PHF24: variants seen among roughly 807,000 people sequenced by gnomAD.
PHF24 encodes the protein Galpha inhibitory interacting protein.
A neutral mutation model predicts 42.6 loss-of-function variants in PHF24; 25 were observed. The ratio of observed to expected loss-of-function variants is 0.59; its 90% CI spans 0.43 to 0.82. The LOEUF is 0.82. Ranked by LOEUF, PHF24 falls within the 40% of genes least tolerant of loss-of-function variation. The pLI, the probability that PHF24 is intolerant of heterozygous loss-of-function variation, is 0.00. For missense variants in PHF24, 470 were observed against 538.1 expected, an observed-to-expected ratio of 0.87 and a Z score of 1.25; for synonymous variants, 185 against 204.8, an observed-to-expected ratio of 0.90 and a Z score of 0.83.
At chr9:34,737,483 A>G in the PHF24 span, among the ~76,000 whole-genome samples, 2 of 152,210 alleles carry the variant, frequency 1.3e-5, no homozygotes, top group South Asian at 2.1e-4. Context: ...TTTGGCTACC[A>G]TGAATAATGC....
the PHF24 span, among the ~76,000 whole-genome samples, chr9:34,910,366 G>GAGTAT: frequency 1.3e-5 from 2 of 151,902 alleles, no homozygotes; most frequent in South Asian, 4.2e-4. Context: ...CTGTTATTAC[G>GAGTAT]TGCATACTCT....
the PHF24 span, among the ~76,000 whole-genome samples, chr9:34,904,435 GGA>G: frequency 6.6e-6 from 1 of 152,068 alleles, no homozygotes; most frequent in Non-Finnish European, 1.5e-5. Flanking sequence ...AATCATAAAG[GGA>G]TGCTGGATTT....
the PHF24 span, among the ~76,000 whole-genome samples, chr9:34,720,338 G>A: frequency 5.3e-5 from 8 of 151,950 alleles, no homozygotes; most frequent in African/African-American, 9.7e-5. Flanking sequence ...CCAGCTACTC[G>A]GGAGGCTGAG....
the PHF24 span, among the ~76,000 whole-genome samples, chr9:34,778,826 TG>T: frequency 6.6e-6 from 1 of 152,118 alleles, no homozygotes; most frequent in African/African-American, 2.4e-5. Context: ...TCTTTCCCAG[TG>T]CACCTGGAAC....
the PHF24 span, among the ~76,000 whole-genome samples, chr9:34,880,602 G>A: frequency 6.6e-6 from 1 of 152,098 alleles, no homozygotes; most frequent in East Asian, 1.9e-4. Flanking sequence ...GATCAAAAGA[G>A]ACAAAGAAGG....
At chr9:34,687,467 A>G in the PHF24 span, among the ~76,000 whole-genome samples, 3 of 152,078 alleles carry the variant, frequency 2.0e-5, no homozygotes, top group African/African-American at 4.8e-5. Flanking sequence ...CCGGGTGCAG[A>G]GTGGAAAAGG....
the PHF24 span, among the ~76,000 whole-genome samples, chr9:34,769,480 A>G: frequency 6.6e-6 from 1 of 152,154 alleles, no homozygotes; most frequent in Admixed American, 6.5e-5. Context: ...AGACTCAACA[A>G]TTCTTCCCAA....
At position 34,977,548 on chromosome 9, in the gene PHF24, T is replaced by G. The variant is rs1205106575; in HGVS notation, c.1013T>G (p.Ile338Ser). The G allele has an allele frequency of 1.2e-6, 2 of 1,606,750 alleles. No homozygotes were observed. The highest frequency in any genetic ancestry group is 3.4e-5 in the Admixed American group (2 of 59,330). ...CCACGTGTCCTCATGCCCAGCAGCATCAGCCATGTGGGTCCCATCGCAGAT... is the reference window on the plus strand; with the variant it reads ...CCACGTGTCCTCATGCCCAGCAGCAGCAGCCATGTGGGTCCCATCGCAGAT... Residue 338 changes from isoleucine to serine, a missense_variant and splice_region_variant, in exon 7 of 8, where the codon ATC (isoleucine) becomes AGC (serine). Physicochemically the swap from Ile to Ser is moderately radical, Grantham distance 142 (BLOSUM62 -2). Transcript: ENST00000242315.
the PHF24 span, among the ~76,000 whole-genome samples, chr9:34,819,187 T>C: frequency 6.6e-6 from 1 of 152,140 alleles, no homozygotes; most frequent in Non-Finnish European, 1.5e-5. Flanking sequence ...TCTTTTTTAC[T>C]GGATCAATCT....
chr9:34,908,960 G>T, the PHF24 span, among the ~76,000 whole-genome samples: 73 of 150,592 alleles, frequency 4.8e-4, no homozygotes, highest in Non-Finnish European at 2.1e-4. Context: ...CAATTCTCCT[G>T]CCTCAGCCTC....
At chr9:34,792,400 G>T in the PHF24 span, among the ~76,000 whole-genome samples, 2 of 152,254 alleles carry the variant, frequency 1.3e-5, no homozygotes, top group Non-Finnish European at 2.9e-5. Context: ...GCCAGGTGCA[G>T]TGGCTCACGC....
chr9:34,823,595 G>T, the PHF24 span, among the ~76,000 whole-genome samples: 1 of 152,130 alleles, frequency 6.6e-6, no homozygotes, highest in African/African-American at 2.4e-5. Context: ...GGAGACGTTG[G>T]GGCCTCCCTG....
chr9:34,913,057 A>C, the PHF24 span, among the ~76,000 whole-genome samples: 4 of 152,276 alleles, frequency 2.6e-5, no homozygotes, highest in South Asian at 6.2e-4. Context: ...TAAAATATTT[A>C]CTGGACACAG....
chr9:34,769,280 T>C, the PHF24 span, among the ~76,000 whole-genome samples: 525 of 152,170 alleles, frequency 3.5e-3, 1 homozygote, highest in African/African-American at 0.012. Context: ...CACGCCTGGC[T>C]AATTTTTGTA....
At chr9:34,966,541 A>G (rs534431768) in intron 1 of PHF24, among the ~76,000 whole-genome samples, 2 of 152,214 alleles carry the variant, frequency 1.3e-5, no homozygotes, top group East Asian at 3.9e-4. Flanking sequence ...GGATTGCTTG[A>G]GTGCAGGAGT....
At chr9:34,702,151 C>T in the PHF24 span, among the ~76,000 whole-genome samples, 2 of 152,232 alleles carry the variant, frequency 1.3e-5, no homozygotes, top group Middle Eastern at 3.4e-3. Flanking sequence ...CACAGGGAAA[C>T]GCGCAACCTT....
the PHF24 span, among the ~76,000 whole-genome samples, chr9:34,673,778 A>C: frequency 0.56 from 84,902 of 151,832 alleles, 24,119 homozygotes; most frequent in East Asian, 0.8. Flanking sequence ...CCCGCTGCCA[A>C]ACCTGGCTAA....
At chr9:34,851,081 G>A in the PHF24 span, among the ~76,000 whole-genome samples, 36 of 152,210 alleles carry the variant, frequency 2.4e-4, no homozygotes, top group African/African-American at 6.0e-4. Context: ...CAGTCTGCCC[G>A]TTCTCAGATC....
At chr9:34,875,471 T>C in the PHF24 span, among the ~76,000 whole-genome samples, 2 of 152,180 alleles carry the variant, frequency 1.3e-5, no homozygotes, top group Non-Finnish European at 2.9e-5. Flanking sequence ...TAGAAAATAT[T>C]AGAGAGCATC....
Sources: gnomAD v4.1 joint callset for allele counts (sites outside exome capture counted in the v4.1 genomes callset) on GRCh38, gnomAD v4.1.1 for gene constraint, MANE v1.5 for transcripts, NCBI Gene and HGNC (gene_info 2026-07-23, HGNC 2026-07-21) for gene names.